Variants in ELAVL2 observed in about 807,000 individuals in gnomAD.
The protein encoded by ELAVL2 is ELAV like RNA binding protein 2, also known as ELAV-like protein 2.
ELAVL2 carries 4 observed loss-of-function variants against 34.6 expected under a neutral mutation model. The ratio of observed to expected loss-of-function variants is 0.12; its 90% confidence interval spans 0.06 to 0.26. The LOEUF is 0.26. Ranked by LOEUF, ELAVL2 falls within the 10% of genes least tolerant of loss-of-function variation. The pLI, the probability that ELAVL2 is intolerant of heterozygous loss-of-function variation, is 1.00. For missense variants in ELAVL2, 432 were observed against 442.8 expected (o/e 0.98, Z 0.22); for synonymous variants, 193 against 154.8 (o/e 1.25, Z -1.83).
chr9:23,812,115 G>C (rs1416024103), intron 1 of ELAVL2, among the ~76,000 whole-genome samples: 3 of 152,058 alleles, frequency 2.0e-5, no homozygotes, highest in Non-Finnish European at 4.4e-5. Flanking sequence ...AGAGTGGGGA[G>C]TGTGTGATTT....
At chr9:23,839,427 C>A in the ELAVL2 span, among the ~76,000 whole-genome samples, 2 of 152,182 alleles carry the variant, frequency 1.3e-5, no homozygotes, top group South Asian at 4.1e-4. Flanking sequence ...ATTTATTGGG[C>A]ATGAGTTAAA....
chr9:23,757,174 G>GT (rs1401317933), intron 2 of ELAVL2, among the ~76,000 whole-genome samples: 1 of 152,116 alleles, frequency 6.6e-6, no homozygotes, highest in Non-Finnish European at 1.5e-5. Context: ...TTCATTTGGT[G>GT]TATTCGTCAG....
intron 1 of ELAVL2, among the ~76,000 whole-genome samples, chr9:23,778,581 G>A (rs1403451415): frequency 1.3e-5 from 2 of 152,106 alleles, no homozygotes; most frequent in Non-Finnish European, 2.9e-5. Context: ...TCCGGCCCCT[G>A]CAAGGGCTGG....
chr9:23,787,514 G>A (rs1453683900), intron 1 of ELAVL2, among the ~76,000 whole-genome samples: 2 of 151,362 alleles, frequency 1.3e-5, no homozygotes, highest in Non-Finnish European at 2.9e-5. Context: ...TTACAGGCAT[G>A]AGCCACCACG....
intron 1 of ELAVL2, among the ~76,000 whole-genome samples, chr9:23,767,330 A>G (rs2056483558): frequency 6.6e-6 from 1 of 152,222 alleles, no homozygotes; most frequent in South Asian, 2.1e-4. Flanking sequence ...GAATTTGAGA[A>G]GTCAAACTGA....
At chr9:23,805,572 T>A (rs1362122671) in intron 1 of ELAVL2, among the ~76,000 whole-genome samples, 2 of 152,220 alleles carry the variant, frequency 1.3e-5, no homozygotes, top group Admixed American at 6.5e-5. Context: ...TACCTTGGGC[T>A]TGTGTGTGTA....
At chr9:23,710,850 T>C (rs1386823936) in intron 3 of ELAVL2, among the ~76,000 whole-genome samples, 4 of 152,172 alleles carry the variant, frequency 2.6e-5, no homozygotes, top group South Asian at 4.1e-4. Context: ...TCATGGATAT[T>C]TGGACAGGTG....
At chr9:23,774,366 G>T (rs906846984) in intron 1 of ELAVL2, among the ~76,000 whole-genome samples, 1 of 152,058 alleles carries the variant, frequency 6.6e-6, no homozygotes, top group Non-Finnish European at 1.5e-5. Context: ...ACATGGAAAG[G>T]AAAGACTGTG....
intron 1 of ELAVL2, among the ~76,000 whole-genome samples, chr9:23,766,213 C>G (rs2056225671): frequency 6.6e-6 from 1 of 152,084 alleles, no homozygotes. Context: ...GATTAACATA[C>G]TTTTTTACAG....
chr9:23,759,724 AAT>A (rs1247279521), intron 2 of ELAVL2, among the ~76,000 whole-genome samples: 1 of 134,662 alleles, frequency 7.4e-6, no homozygotes, highest in Non-Finnish European at 1.6e-5. Context: ...GTGTACACGT[AAT>A]ATATATGTGT....
intron 1 of ELAVL2, among the ~76,000 whole-genome samples, chr9:23,812,766 A>T (rs2063178905): frequency 6.6e-6 from 1 of 151,726 alleles, no homozygotes; most frequent in Non-Finnish European, 1.5e-5. Context: ...AAAAAAAAAA[A>T]TTGGCTGGGT....
intron 2 of ELAVL2, among the ~76,000 whole-genome samples, chr9:23,733,824 T>C (rs2047184888): frequency 6.6e-6 from 1 of 152,106 alleles, no homozygotes; most frequent in Admixed American, 6.5e-5. Context: ...CCAAAGGTAT[T>C]ATCATCATCA....
At chr9:23,814,329 GA>G (rs2063417192) in intron 1 of ELAVL2, among the ~76,000 whole-genome samples, 1 of 152,102 alleles carries the variant, frequency 6.6e-6, no homozygotes, top group African/African-American at 2.4e-5. Context: ...AAAATAAAGG[GA>G]CAAGTGAGCA....
the ELAVL2 span, among the ~76,000 whole-genome samples, chr9:23,836,465 A>G: frequency 6.6e-6 from 1 of 152,210 alleles, no homozygotes; most frequent in Non-Finnish European, 1.5e-5. Flanking sequence ...GTATTCTAGA[A>G]TACTAATATT....
chr9:23,721,279 C>T (rs1269519518), intron 3 of ELAVL2, among the ~76,000 whole-genome samples: 1 of 152,204 alleles, frequency 6.6e-6, no homozygotes, highest in Non-Finnish European at 1.5e-5. Flanking sequence ...TCAAAAAGGC[C>T]ACTGTGCTTG....
rs1056246090 is a variant in ELAVL2, at chr9:23,737,095, G to A, written c.230-5970C>T. On this transcript the variant is annotated intron_variant, in intron 2 of 6. Transcript: ENST00000397312. ...TATTATTCCGTTATCTTTGTTATGT[G>A]TGTCTGGGGTCCATTTGGATGCTCC... Among the ~76,000 whole-genome samples, 12 of 152,256 alleles carry A rather than the reference G, an allele frequency of 7.9e-5. No homozygotes were observed. In the East Asian group the frequency reaches 2.3e-3, roughly 29 times the overall value.
chr9:23,778,282 A>G (rs1303474217), intron 1 of ELAVL2, among the ~76,000 whole-genome samples: 2 of 152,126 alleles, frequency 1.3e-5, no homozygotes, highest in East Asian at 3.9e-4. Context: ...ACTCTCCTCA[A>G]CCTCCAGGCC....
At chr9:23,778,988 C>G (rs1020410751) in intron 1 of ELAVL2, among the ~76,000 whole-genome samples, 1 of 152,100 alleles carries the variant, frequency 6.6e-6, no homozygotes, top group Non-Finnish European at 1.5e-5. Context: ...CAAACCTAAT[C>G]AAATATTTTG....
chr9:23,752,025 C>T (rs549251545), intron 2 of ELAVL2, among the ~76,000 whole-genome samples: 32 of 152,272 alleles, frequency 2.1e-4, no homozygotes, highest in African/African-American at 7.5e-4. Context: ...ATTCTTCCCA[C>T]ATCATGACAA....
Sources: allele counts gnomAD v4.1 joint callset (sites outside exome capture counted in the v4.1 genomes callset), GRCh38; gene constraint gnomAD v4.1.1; transcripts MANE v1.5; gene names NCBI Gene and HGNC (gene_info 2026-07-23, HGNC 2026-07-21).